GLRA3: variants seen among roughly 807,000 people sequenced by gnomAD.
The protein encoded by GLRA3 is glycine receptor subunit alpha-3.
In GLRA3, 44 loss-of-function variants were observed where a neutral mutation model predicts 60.4. That is an observed-to-expected ratio of 0.73 (90% CI 0.57 to 0.94). The LOEUF (loss-of-function observed/expected upper bound fraction) is 0.94. Among genes scored for constraint, GLRA3 ranks in the 40% least tolerant of loss-of-function variants. The probability of loss-of-function intolerance (pLI) is 0.00; values close to 1 mark genes in which losing one functional copy is unlikely to be tolerated. For synonymous variants in GLRA3, 223 were observed against 192.9 expected (o/e 1.16, Z -1.29); for missense variants, 508 against 564.6 (o/e 0.90, Z 1.02).
chr4:174,735,390 AG>A (rs1373768620), intron 3 of GLRA3, among the ~76,000 whole-genome samples: 1 of 152,236 alleles, frequency 6.6e-6, no homozygotes, highest in African/African-American at 2.4e-5. Flanking sequence ...TGGACATGGA[AG>A]TCTACTAATA....
Position 174,680,135 on chromosome 4 carries a change from T to A in GLRA3, c.712+2667A>T, listed in dbSNP as rs201821316. ...CCTCCAAAAACATGTACAGCTATTATGTATCTATAAAAATTAAAAAATGTT... is the reference window on the plus strand; with the variant it reads ...CCTCCAAAAACATGTACAGCTATTAAGTATCTATAAAAATTAAAAAATGTT... On this transcript the variant is annotated intron_variant, in intron 6 of 9. Transcript: ENST00000274093. 4.6e-5 allele frequency among the ~76,000 whole-genome samples: 7 copies of A among 152,326 alleles called. No individual in the cohort carries two copies. In the East Asian group the frequency reaches 1.3e-3, roughly 29 times the overall value.
At chr4:174,655,791 T>C (rs1196867035) in intron 9 of GLRA3, among the ~76,000 whole-genome samples, 1 of 152,114 alleles carries the variant, frequency 6.6e-6, no homozygotes, top group African/African-American at 2.4e-5. Flanking sequence ...ATGTAAACTT[T>C]AGTTGCAAAG....
intron 1 of GLRA3, among the ~76,000 whole-genome samples, chr4:174,815,075 T>C (rs913608920): frequency 6.6e-6 from 1 of 152,124 alleles, no homozygotes; most frequent in Non-Finnish European, 1.5e-5. Flanking sequence ...AGGCACTGGG[T>C]AAATACAGCC....
intron 3 of GLRA3, among the ~76,000 whole-genome samples, chr4:174,756,937 C>T (rs1242618359): frequency 1.3e-5 from 2 of 152,174 alleles, no homozygotes; most frequent in Admixed American, 6.5e-5. Flanking sequence ...TGAGCCCCCG[C>T]GCCCGGCCAA....
chr4:174,667,504 CCT>C (rs1203747659), intron 7 of GLRA3, among the ~76,000 whole-genome samples: 6 of 152,006 alleles, frequency 3.9e-5, no homozygotes, highest in African/African-American at 9.7e-5. Context: ...AGAAATGTCC[CCT>C]GATTTTCTGC....
chr4:174,704,411 C>T (rs1326167876), intron 5 of GLRA3, among the ~76,000 whole-genome samples: 1 of 143,850 alleles, frequency 7.0e-6, no homozygotes, highest in Non-Finnish European at 1.5e-5. Flanking sequence ...CTGATTCTCA[C>T]ACAAAGAAGA....
chr4:174,723,688 C>A (rs1304799884), intron 4 of GLRA3, among the ~76,000 whole-genome samples: 1 of 151,802 alleles, frequency 6.6e-6, no homozygotes, highest in Non-Finnish European at 1.5e-5. Flanking sequence ...TAAAATGACA[C>A]CTTTTACAAA....
intron 9 of GLRA3, 102 bp downstream of exon 9, chr4:174,656,641 C>T (rs914378851): frequency 3.2e-5 from 20 of 625,598 alleles, no homozygotes; most frequent in Non-Finnish European, 5.4e-5. Flanking sequence ...ACAAAAGGGG[C>T]TGTGTTTCCC....
intron 2 of GLRA3, among the ~76,000 whole-genome samples, chr4:174,772,440 T>C (rs988170295): frequency 2.6e-5 from 4 of 152,166 alleles, no homozygotes; most frequent in Admixed American, 2.6e-4. Flanking sequence ...TAAAAAAGTG[T>C]GATTTGGTTC....
chr4:174,654,030 G>T (rs2110872044), intron 9 of GLRA3, among the ~76,000 whole-genome samples: 1 of 152,158 alleles, frequency 6.6e-6, no homozygotes, highest in East Asian at 1.9e-4. Flanking sequence ...AATTTTGTTT[G>T]AATCTAAGTT....
chr4:174,743,989 G>T (rs142387520), intron 3 of GLRA3, among the ~76,000 whole-genome samples: 1 of 152,158 alleles, frequency 6.6e-6, no homozygotes, highest in East Asian at 1.9e-4. Flanking sequence ...GAGGGCTGCC[G>T]GTCTGTGGCT....
chr4:174,788,100 A>G (rs936860533), intron 2 of GLRA3, among the ~76,000 whole-genome samples: 3 of 152,108 alleles, frequency 2.0e-5, no homozygotes, highest in Non-Finnish European at 4.4e-5. Flanking sequence ...TGGGTAAAGT[A>G]ATATTCAAGA....
chr4:174,792,370 G>T (rs1739386144), intron 1 of GLRA3, among the ~76,000 whole-genome samples: 1 of 151,918 alleles, frequency 6.6e-6, no homozygotes, highest in Non-Finnish European at 1.5e-5. Context: ...ACGTGTGTCT[G>T]TTCTAACTTC....
At chr4:174,665,099 C>T (rs1006081360) in intron 7 of GLRA3, among the ~76,000 whole-genome samples, 3 of 152,204 alleles carry the variant, frequency 2.0e-5, no homozygotes, top group Admixed American at 2.0e-4. Flanking sequence ...GGGAAGACCT[C>T]CCTGTGGAAG....
In GLRA3 at chr4:174,640,517, T is replaced by C. The variant is rs1579373802; in HGVS notation, c.*3269A>G. ...TTTTAAAAAGTGGAATAAAAAATGTTCAGAAAAAGGGATGTATAGTATGGA... is the reference window on the plus strand; with the variant it reads ...TTTTAAAAAGTGGAATAAAAAATGTCCAGAAAAAGGGATGTATAGTATGGA... On this transcript the variant is annotated 3_prime_UTR_variant, in exon 10 of 10. Coordinates refer to ENST00000274093, the MANE Select transcript of GLRA3 (RefSeq NM_006529.4). The C allele has an allele frequency of 6.6e-6, 1 of 152,222 alleles. No individual in the cohort carries two copies. Among genetic ancestry groups the C allele is most frequent in the Non-Finnish European group, 1.5e-5 (1 of 67,972 alleles). 9.4% of individuals were successfully genotyped at this position (152,222 alleles called of 1,614,324 possible).
At chr4:174,779,362 G>GA (rs1339071679) in intron 2 of GLRA3, among the ~76,000 whole-genome samples, 4 of 152,068 alleles carry the variant, frequency 2.6e-5, no homozygotes, top group African/African-American at 9.7e-5. Context: ...CAAAGATGGG[G>GA]AAAAAACAGA....
intron 1 of GLRA3, among the ~76,000 whole-genome samples, chr4:174,819,457 G>C (rs1740645554): frequency 6.6e-6 from 1 of 152,106 alleles, no homozygotes; most frequent in African/African-American, 2.4e-5. Flanking sequence ...TGTGGCCTGT[G>C]CCAACAGTGC....
At chr4:174,815,812 G>T (rs1560816507) in intron 1 of GLRA3, among the ~76,000 whole-genome samples, 1 of 152,146 alleles carries the variant, frequency 6.6e-6, no homozygotes, top group East Asian at 1.9e-4. Context: ...TGATGGGAGG[G>T]TCTGCCACAA....
At chr4:174,679,654 A>T (rs1003844173) in intron 6 of GLRA3, among the ~76,000 whole-genome samples, 1 of 152,228 alleles carries the variant, frequency 6.6e-6, no homozygotes, top group African/African-American at 2.4e-5. Context: ...GGAAGAATGG[A>T]TAAAGAAAAT....
Sources: gnomAD v4.1 joint callset for allele counts (sites outside exome capture counted in the v4.1 genomes callset) on GRCh38, gnomAD v4.1.1 for gene constraint, MANE v1.5 for transcripts, NCBI Gene and HGNC (gene_info 2026-07-23, HGNC 2026-07-21) for gene names.